Variants in FRMD3 observed in about 807,000 individuals in gnomAD.
FRMD3 encodes the protein FERM domain containing 3.
FRMD3 carries 33 observed loss-of-function variants against 70.2 expected under a neutral mutation model. The observed-to-expected ratio is 0.47, with a 90% CI of 0.36 to 0.63. The LOEUF is 0.63. Ranked by LOEUF, FRMD3 falls within the 20% of genes least tolerant of loss-of-function variation. The pLI is 0.00. For synonymous variants in FRMD3, 279 were observed against 255.9 expected (o/e 1.09, Z -0.86); for missense variants, 632 against 711.4 (o/e 0.89, Z 1.27).
At chr9:83,361,826 A>G (rs1469592038) in intron 3 of FRMD3, among the ~76,000 whole-genome samples, 2 of 152,140 alleles carry the variant, frequency 1.3e-5, no homozygotes, top group African/African-American at 4.8e-5. Context: ...GTGAAGATGG[A>G]GGCAGAGTGT....
the FRMD3 span, among the ~76,000 whole-genome samples, chr9:83,565,518 T>C: frequency 6.6e-6 from 1 of 152,202 alleles, no homozygotes; most frequent in Non-Finnish European, 1.5e-5. Flanking sequence ...TTGTTAGCCA[T>C]GAATCTTGGG....
intron 1 of FRMD3, among the ~76,000 whole-genome samples, chr9:83,443,096 T>C (rs1827351496): frequency 6.6e-6 from 1 of 152,174 alleles, no homozygotes. Context: ...GAATCATAAA[T>C]GATTCTTATT....
At chr9:83,495,832 G>A (rs553586518) in intron 1 of FRMD3, among the ~76,000 whole-genome samples, 2 of 152,306 alleles carry the variant, frequency 1.3e-5, no homozygotes, top group Admixed American at 1.3e-4. Flanking sequence ...CTCAAGGCAG[G>A]ACTAACACAT....
chr9:83,250,603 T>A (rs1587615172), intron 13 of FRMD3, among the ~76,000 whole-genome samples: 1 of 152,062 alleles, frequency 6.6e-6, no homozygotes, highest in Non-Finnish European at 1.5e-5. Context: ...TTGAGGTGGG[T>A]CTAAGTTCCT....
intron 6 of FRMD3, among the ~76,000 whole-genome samples, chr9:83,325,401 A>C (rs1370977146): frequency 6.6e-6 from 1 of 152,128 alleles, no homozygotes; most frequent in African/African-American, 2.4e-5. Flanking sequence ...ATCTCAGTTC[A>C]CTGCAGCCTC....
chr9:83,250,749 T>C (rs931755008), intron 13 of FRMD3, among the ~76,000 whole-genome samples: 2 of 152,244 alleles, frequency 1.3e-5, no homozygotes, highest in African/African-American at 4.8e-5. Context: ...AGATTGTGGC[T>C]GGACAGCTTT....
At chr9:83,485,517 A>G (rs111283837) in intron 1 of FRMD3, among the ~76,000 whole-genome samples, 7 of 152,358 alleles carry the variant, frequency 4.6e-5, no homozygotes, top group African/African-American at 1.7e-4. Context: ...ATTCTGAACA[A>G]GAGACACATC....
intron 1 of FRMD3, among the ~76,000 whole-genome samples, chr9:83,429,804 C>G (rs1049239032): frequency 1.3e-5 from 2 of 152,044 alleles, no homozygotes; most frequent in South Asian, 4.2e-4. Flanking sequence ...CTTGTCTCTG[C>G]CATTTGTTCA....
At chr9:83,303,317 G>A (rs1834996151) in intron 10 of FRMD3, among the ~76,000 whole-genome samples, 1 of 152,156 alleles carries the variant, frequency 6.6e-6, no homozygotes, top group Non-Finnish European at 1.5e-5. Context: ...GGAAAATAAG[G>A]CACAGAGAGG....
intron 1 of FRMD3, among the ~76,000 whole-genome samples, chr9:83,489,612 T>G (rs936276008): frequency 6.6e-6 from 1 of 152,124 alleles, no homozygotes; most frequent in African/African-American, 2.4e-5. Context: ...AAATAACAGA[T>G]GCTAGCAAGG....
intron 1 of FRMD3, among the ~76,000 whole-genome samples, chr9:83,444,577 C>T (rs1827400723): frequency 6.6e-6 from 1 of 152,196 alleles, no homozygotes; most frequent in Non-Finnish European, 1.5e-5. Flanking sequence ...ACGAAAATGG[C>T]CACAGAATGC....
intron 1 of FRMD3, among the ~76,000 whole-genome samples, chr9:83,496,093 T>C (rs540177667): frequency 1.3e-5 from 2 of 152,332 alleles, no homozygotes; most frequent in South Asian, 2.1e-4. Flanking sequence ...TTTTACACCA[T>C]GTGCCTCAAA....
chr9:83,378,488 TATACATATAAAATTTATATATATA>T (rs1825224986), intron 2 of FRMD3, among the ~76,000 whole-genome samples: 1 of 79,596 alleles, frequency 1.3e-5, no homozygotes, highest in Non-Finnish European at 2.8e-5. Context: ...ATATATATAA[TATACATATAAAATTTATATATATA>T]ATATACATAT....
chr9:83,342,070 T>TCTCTCC (rs1823777670), intron 5 of FRMD3, among the ~76,000 whole-genome samples: 1 of 151,700 alleles, frequency 6.6e-6, no homozygotes, highest in African/African-American at 2.4e-5. Context: ...TCTCTCTCTC[T>TCTCTCC]CTCTTTCCCC....
At chr9:83,378,736 CTTTATATTATATATAATATATAA>C (rs1159980674) in intron 2 of FRMD3, among the ~76,000 whole-genome samples, 2 of 93,038 alleles carry the variant, frequency 2.1e-5, no homozygotes, top group East Asian at 2.5e-4. Flanking sequence ...AATATATATA[CTTTATATTATATATAATATATAA>C]TTTATATTAT....
chr9:83,265,870 T>A (rs1228180018), intron 13 of FRMD3, among the ~76,000 whole-genome samples: 1 of 152,170 alleles, frequency 6.6e-6, no homozygotes, highest in East Asian at 1.9e-4. Flanking sequence ...CAATTATACT[T>A]TGAAGCATCT....
intron 1 of FRMD3, among the ~76,000 whole-genome samples, chr9:83,442,993 A>G (rs1288847911): frequency 2.0e-5 from 3 of 152,230 alleles, no homozygotes; most frequent in African/African-American, 7.2e-5. Flanking sequence ...ATGAATGTCA[A>G]CATAAAAATA....
At chr9:83,481,896 T>G (rs1828574643) in intron 1 of FRMD3, among the ~76,000 whole-genome samples, 1 of 151,978 alleles carries the variant, frequency 6.6e-6, no homozygotes, top group South Asian at 2.1e-4. Flanking sequence ...AACTCTTTTT[T>G]TACTGAGCAT....
At chr9:83,539,621 G>A (rs1171899818), upstream of FRMD3, among the ~76,000 whole-genome samples, 1 of 152,188 alleles carries the variant, frequency 6.6e-6, no homozygotes, top group African/African-American at 2.4e-5. Flanking sequence ...GCCCTGGACA[G>A]TCTGGTGGGC....
Sources: gnomAD v4.1 joint callset for allele counts (sites outside exome capture counted in the v4.1 genomes callset) on GRCh38, gnomAD v4.1.1 for gene constraint, MANE v1.5 for transcripts, NCBI Gene and HGNC (gene_info 2026-07-23, HGNC 2026-07-21) for gene names.